The following OR1L8 variants were observed in gnomAD, a reference collection of about 807,000 sequenced individuals.
OR1L8 encodes the protein olfactory receptor 1L8.
For missense variants in OR1L8, 330 were observed against 377.4 expected, an observed-to-expected ratio of 0.87 and a Z score of 1.04; for synonymous variants, 148 against 147.0, an observed-to-expected ratio of 1.01 and a Z score of -0.05.
At chr9:122,578,053 C>T (rs1439353808) in intron 2 of OR1L8, among the ~76,000 whole-genome samples, 2 of 152,154 alleles carry the variant, frequency 1.3e-5, no homozygotes, top group African/African-American at 4.8e-5. Flanking sequence ...TAAATTAGTA[C>T]AACCACTATG....
At chr9:122,566,712 C>T (rs569551251), downstream of OR1L8, among the ~76,000 whole-genome samples, 2 of 152,220 alleles carry the variant, frequency 1.3e-5, no homozygotes, top group South Asian at 4.1e-4. Flanking sequence ...ATATTCAATA[C>T]ACATTTACAA....
chr9:122,563,802 T>G (rs745597623), downstream of OR1L8, among the ~76,000 whole-genome samples: 1 of 152,232 alleles, frequency 6.6e-6, no homozygotes, highest in Non-Finnish European at 1.5e-5. Flanking sequence ...TGGTAAGAGA[T>G]AGAGATCTAG....
the OR1L8 span, among the ~76,000 whole-genome samples, chr9:122,551,640 A>C: frequency 6.6e-6 from 1 of 152,118 alleles, no homozygotes; most frequent in Non-Finnish European, 1.5e-5. Context: ...TCAGAATCAC[A>C]TTCCCGAGAC....
intron 4 of OR1L8, among the ~76,000 whole-genome samples, chr9:122,570,192 C>T (rs910235525): frequency 6.7e-6 from 1 of 149,934 alleles, no homozygotes; most frequent in South Asian, 2.2e-4. Flanking sequence ...TGGGTATATA[C>T]CCAGTAATGG....
At chr9:122,549,574 G>A in the OR1L8 span, among the ~76,000 whole-genome samples, 22 of 152,140 alleles carry the variant, frequency 1.4e-4, no homozygotes, top group Admixed American at 4.6e-4. Flanking sequence ...TCATTTTTCC[G>A]CATATAGCAA....
intron 3 of OR1L8, among the ~76,000 whole-genome samples, chr9:122,575,235 A>G (rs556589164): frequency 4.3e-4 from 65 of 152,154 alleles, no homozygotes; most frequent in African/African-American, 1.5e-3. Flanking sequence ...CTTTGCTTCT[A>G]TTGTCTGGAA....
chr9:122,564,410 G>C (rs545247346), downstream of OR1L8, among the ~76,000 whole-genome samples: 2 of 152,250 alleles, frequency 1.3e-5, no homozygotes, highest in Admixed American at 6.5e-5. Context: ...GAGTGGGGGG[G>C]TATTATGATG....
At chr9:122,577,526 A>G (rs538480516) in intron 2 of OR1L8, among the ~76,000 whole-genome samples, 5 of 152,356 alleles carry the variant, frequency 3.3e-5, no homozygotes, top group African/African-American at 1.2e-4. Context: ...TACAAGGTTC[A>G]GTAAGCATGT....
At chr9:122,550,160 G>A in the OR1L8 span, among the ~76,000 whole-genome samples, 1 of 152,066 alleles carries the variant, frequency 6.6e-6, no homozygotes, top group Admixed American at 6.6e-5. Flanking sequence ...TTGAGGAAAT[G>A]GATAAATTCT....
the OR1L8 span, among the ~76,000 whole-genome samples, chr9:122,559,198 C>G: frequency 8.5e-5 from 13 of 152,212 alleles, no homozygotes; most frequent in East Asian, 2.5e-3. Flanking sequence ...TATCCCTGTT[C>G]CCCACTCCTC....
At chr9:122,569,837 AC>A (rs1829508508) in intron 4 of OR1L8, among the ~76,000 whole-genome samples, 1 of 119,618 alleles carries the variant, frequency 8.4e-6, no homozygotes, top group African/African-American at 3.4e-5. Context: ...CCCTGCCCCC[AC>A]CCCACAACAG....
downstream of OR1L8, among the ~76,000 whole-genome samples, chr9:122,564,991 G>A (rs1250168006): frequency 6.6e-6 from 1 of 152,302 alleles, no homozygotes; most frequent in Non-Finnish European, 1.5e-5. Context: ...TAGGACATTT[G>A]TGTGTCAAAA....
At chr9:122,546,801 C>T in the OR1L8 span, among the ~76,000 whole-genome samples, 2 of 152,032 alleles carry the variant, frequency 1.3e-5, no homozygotes, top group South Asian at 4.1e-4. Context: ...ATTTTGAAAA[C>T]AAAAATTATT....
chr9:122,576,950 G>C (rs1829668014), intron 2 of OR1L8, 49 bp from the exon 3 acceptor site: 1 of 152,138 alleles, frequency 6.6e-6, no homozygotes, highest in Non-Finnish European at 1.5e-5. Context: ...TACTCTTTCA[G>C]AAGGAGTAAC....
chr9:122,552,039 A>ACTCTCTCTCTCTCTCTCT, the OR1L8 span, among the ~76,000 whole-genome samples: 10 of 89,384 alleles, frequency 1.1e-4, no homozygotes, highest in African/African-American at 2.5e-4. Flanking sequence ...GGACACATAC[A>ACTCTCTCTCTCTCTCTCT]CACACACACA....
chr9:122,546,995 G>C, the OR1L8 span, among the ~76,000 whole-genome samples: 19 of 151,990 alleles, frequency 1.3e-4, no homozygotes, highest in African/African-American at 4.4e-4. Flanking sequence ...ACTATGTAAT[G>C]TATTATTGTT....
chr9:122,547,074 A>T, the OR1L8 span, among the ~76,000 whole-genome samples: 2 of 151,858 alleles, frequency 1.3e-5, no homozygotes, highest in African/African-American at 4.8e-5. Context: ...ATCAAAAATA[A>T]TTTTTTTAAA....
chr9:122,553,711 C>T, the OR1L8 span: 3 of 1,614,008 alleles, frequency 1.9e-6, no homozygotes, highest in Non-Finnish European at 2.5e-6. Context: ...CTGTTGCTGA[C>T]CCGCGTGGCT....
chr9:122,561,675 G>A, the OR1L8 span, among the ~76,000 whole-genome samples: 2 of 152,104 alleles, frequency 1.3e-5, no homozygotes, highest in South Asian at 4.1e-4. Context: ...ATGTCACTGG[G>A]GGAAGCTGGA....
Sources: gnomAD v4.1 joint callset for allele counts (sites outside exome capture counted in the v4.1 genomes callset) on GRCh38, gnomAD v4.1.1 for gene constraint, MANE v1.5 for transcripts, NCBI Gene and HGNC (gene_info 2026-07-23, HGNC 2026-07-21) for gene names.